The following MBNL1 variants were observed in gnomAD, a reference collection of about 807,000 sequenced individuals.
MBNL1 encodes the protein muscleblind-like protein 1.
Under a neutral mutation model 42.2 loss-of-function variants are expected in MBNL1, and 8 were observed. The observed-to-expected ratio is 0.19, with a 90% CI of 0.11 to 0.34. The LOEUF is 0.34. MBNL1 is among the 10% of genes least tolerant of loss of function. The probability of loss-of-function intolerance (pLI) is 1.00; values close to 1 mark genes in which losing one functional copy is unlikely to be tolerated. For synonymous variants in MBNL1, 169 were observed against 173.9 expected (o/e 0.97, Z 0.22); for missense variants, 309 against 495.3 (o/e 0.62, Z 3.57).
intron 2 of MBNL1, among the ~76,000 whole-genome samples, chr3:152,338,978 T>G (rs1245896677): frequency 6.6e-6 from 1 of 152,180 alleles, no homozygotes; most frequent in African/African-American, 2.4e-5. Context: ...AAGAGAAATC[T>G]TGTTGAGAAT....
chr3:152,459,398 A>T, intron 9 of MBNL1, 53 bp downstream of exon 9: 1 of 1,073,268 alleles, frequency 9.3e-7, no homozygotes, highest in South Asian at 1.7e-5. Flanking sequence ...TTTTTTTAAG[A>T]TAGCAATTGT....
chr3:152,373,461 T>C lies in MBNL1; in HGVS notation c.175-41480T>C, dbSNP rs1246180367. On this transcript the variant is annotated intron_variant, in intron 2 of 9. Coordinates refer to ENST00000324210, the MANE Select transcript of MBNL1 (RefSeq NM_021038.5). ...AGTGTCAGCACTCGAGGGAATCTCC[T>C]GGTCTGTGGGTTGTAAAGACCATGG... Among the ~76,000 whole-genome samples, 3 of 151,936 alleles carry C rather than the reference T, an allele frequency of 2.0e-5. No homozygotes were observed. The East Asian group carries it at 5.8e-4, about 29-fold the overall frequency.
At chr3:152,351,860 GCTA>G (rs1473964517) in intron 2 of MBNL1, among the ~76,000 whole-genome samples, 3 of 152,156 alleles carry the variant, frequency 2.0e-5, no homozygotes, top group Non-Finnish European at 2.9e-5. Context: ...TTAAATGTTA[GCTA>G]CTATTATTAT....
chr3:152,325,072 T>C (rs1243989860), intron 2 of MBNL1, among the ~76,000 whole-genome samples: 1 of 71,054 alleles, frequency 1.4e-5, no homozygotes, highest in East Asian at 5.6e-4. Flanking sequence ...TGTTCCCATG[T>C]AATGCCACAT....
At position 152,445,033 on chromosome 3, in the gene MBNL1, C is replaced by T. The variant is rs75922362; in HGVS notation, c.550-249C>T. Among the ~76,000 whole-genome samples, 1,083 of 152,182 alleles carry T rather than the reference C, an allele frequency of 7.1e-3. 20 individuals carry two copies. Among genetic ancestry groups the T allele is most frequent in the East Asian group, 0.033 (169 of 5,182 alleles). ...TTGCAATTAATAAGTTTATCAACAC[C>T]ATTTCAGATTGTATTTTTACCATAA... On this transcript the variant is annotated intron_variant, in intron 4 of 9. Coordinates refer to ENST00000324210, the MANE Select transcript of MBNL1 (RefSeq NM_021038.5).
intron 4 of MBNL1, among the ~76,000 whole-genome samples, chr3:152,439,677 A>T (rs1289742373): frequency 1.3e-5 from 2 of 152,254 alleles, no homozygotes; most frequent in East Asian, 3.9e-4. Flanking sequence ...GAGTTTTGAT[A>T]TGGTATAGAG....
chr3:152,314,301 T>C (rs1042210842), intron 2 of MBNL1, among the ~76,000 whole-genome samples: 13 of 151,624 alleles, frequency 8.6e-5, no homozygotes, highest in Admixed American at 5.3e-4. Flanking sequence ...TTTTTTTTTT[T>C]CCCCCTTTCA....
chr3:152,375,819 C>CAA (rs398052367), intron 2 of MBNL1, among the ~76,000 whole-genome samples: 1 of 126,492 alleles, frequency 7.9e-6, no homozygotes, highest in South Asian at 2.5e-4. Context: ...GACCTTGTCT[C>CAA]AAAAAAAAAA....
At chr3:152,380,495 C>G (rs966784249) in intron 2 of MBNL1, among the ~76,000 whole-genome samples, 2 of 152,018 alleles carry the variant, frequency 1.3e-5, no homozygotes, top group Non-Finnish European at 2.9e-5. Flanking sequence ...TAATTGATTA[C>G]TAGATGTAAG....
chr3:152,414,236 GA>G (rs1579929649), intron 2 of MBNL1, among the ~76,000 whole-genome samples: 1 of 152,170 alleles, frequency 6.6e-6, no homozygotes, highest in Non-Finnish European at 1.5e-5. Flanking sequence ...AAATTTTTTG[GA>G]GGGTAAATAT....
At chr3:152,265,086 A>T (rs1246262378), upstream of MBNL1, 1 of 152,184 alleles carries the variant, frequency 6.6e-6, no homozygotes, top group Non-Finnish European at 1.5e-5. Flanking sequence ...TGAATTCTAC[A>T]AAAGAAGGTC....
At chr3:152,353,604 T>G (rs981565610) in intron 2 of MBNL1, among the ~76,000 whole-genome samples, 1 of 151,350 alleles carries the variant, frequency 6.6e-6, no homozygotes, top group African/African-American at 2.4e-5. Flanking sequence ...AATTCTATAC[T>G]AATTATCAAG....
At chr3:152,305,849 T>C (rs2062830283) in intron 2 of MBNL1, among the ~76,000 whole-genome samples, 1 of 152,242 alleles carries the variant, frequency 6.6e-6, no homozygotes, top group Admixed American at 6.5e-5. Flanking sequence ...CTGTTTCTTA[T>C]ACAAATATCA....
chr3:152,288,353 G>A (rs577906346), intron 1 of MBNL1, among the ~76,000 whole-genome samples: 125 of 152,266 alleles, frequency 8.2e-4, no homozygotes, highest in African/African-American at 3.0e-3. Flanking sequence ...CCCCACTCCT[G>A]ACTCAGGAAT....
chr3:152,307,937 C>T (rs1220150568), intron 2 of MBNL1, among the ~76,000 whole-genome samples: 2 of 152,088 alleles, frequency 1.3e-5, no homozygotes, highest in African/African-American at 2.4e-5. Context: ...ATGCTGCCAC[C>T]AACTTTCAAA....
chr3:152,307,593 C>T (rs2151901711), intron 2 of MBNL1, among the ~76,000 whole-genome samples: 1 of 152,178 alleles, frequency 6.6e-6, no homozygotes, highest in Admixed American at 6.5e-5. Flanking sequence ...ACTTCCATTT[C>T]ACAGATGGAC....
intron 5 of MBNL1, chr3:152,446,831 T>G: frequency 8.1e-7 from 1 of 1,228,848 alleles, no homozygotes; most frequent in Non-Finnish European, 1.2e-6. Flanking sequence ...TAAATCAACT[T>G]TAAAATATAT....
chr3:152,287,232 G>T (rs893042227), intron 1 of MBNL1, among the ~76,000 whole-genome samples: 5 of 151,960 alleles, frequency 3.3e-5, no homozygotes, highest in Middle Eastern at 3.4e-3. Context: ...AAAAAAAATG[G>T]TTGTATATGG....
At chr3:152,446,662 AC>A (rs2099231212) in intron 5 of MBNL1, 2 of 1,558,928 alleles carry the variant, frequency 1.3e-6, no homozygotes, top group Non-Finnish European at 1.8e-6. Context: ...CTTGAACCCC[AC>A]TGGCCCATTG....
Sources: allele counts gnomAD v4.1 joint callset (sites outside exome capture counted in the v4.1 genomes callset), GRCh38; gene constraint gnomAD v4.1.1; transcripts MANE v1.5; gene names NCBI Gene and HGNC (gene_info 2026-07-23, HGNC 2026-07-21).